The following PCDHGA3 variants were observed in gnomAD, a reference collection of about 807,000 sequenced individuals.
PCDHGA3 encodes protocadherin gamma subfamily A, 3, also known as protocadherin gamma-A3.
Under a neutral mutation model 58.5 loss-of-function variants are expected in PCDHGA3, and 40 were observed. The ratio of observed to expected loss-of-function variants is 0.68; its 90% confidence interval spans 0.53 to 0.89. The LOEUF is 0.89. Ranked by LOEUF, PCDHGA3 falls within the 40% of genes least tolerant of loss-of-function variation. PCDHGA3 has a pLI of 0.00. For missense variants in PCDHGA3, 1,223 were observed against 1,195.9 expected (o/e 1.02, Z -0.33); for synonymous variants, 530 against 525.7 (o/e 1.01, Z -0.11).
chr5:141,416,308 T>C (rs1472911605), intron 1 of PCDHGA3: 1 of 152,266 alleles, frequency 6.6e-6, no homozygotes, highest in East Asian at 1.9e-4. Context: ...ATGTGGAAGA[T>C]ATAGCATTTT....
At chr5:141,407,360 A>G (rs1024336863) in intron 1 of PCDHGA3, among the ~76,000 whole-genome samples, 1 of 152,232 alleles carries the variant, frequency 6.6e-6, no homozygotes, top group Non-Finnish European at 1.5e-5. Flanking sequence ...GGAAAACATA[A>G]CAGATATCCA....
At chr5:141,389,173 T>C (rs1339910343) in intron 1 of PCDHGA3, 15 of 1,613,844 alleles carry the variant, frequency 9.3e-6, no homozygotes, top group Non-Finnish European at 1.2e-5. Context: ...AAGCCTCCCC[T>C]CTCCTCCAGT....
At chr5:141,499,570 A>C (rs1027373056) in intron 2 of PCDHGA3, among the ~76,000 whole-genome samples, 2 of 152,200 alleles carry the variant, frequency 1.3e-5, no homozygotes, top group Non-Finnish European at 2.9e-5. Flanking sequence ...TCCAGCTTCA[A>C]CTAATGCCTT....
intron 1 of PCDHGA3, chr5:141,393,343 A>G (rs751102208): frequency 8.1e-6 from 13 of 1,613,914 alleles, no homozygotes; most frequent in Non-Finnish European, 1.1e-5. Context: ...CCCAATCACC[A>G]CTTCTCCCTG....
rs557975319 is a variant in PCDHGA3 at position 141,381,867 on chromosome 5, T to C, written c.2424+35410T>C. ...TTTTTTTGGCAGAGTTTTGCTCTTGTTGTCCAGGCTGGAGTGCAATGGTGT... is the reference window on the plus strand; with the variant it reads ...TTTTTTTGGCAGAGTTTTGCTCTTGCTGTCCAGGCTGGAGTGCAATGGTGT... On this transcript the variant is annotated intron_variant, in intron 1 of 3. Coordinates refer to ENST00000253812, the MANE Select transcript of PCDHGA3 (RefSeq NM_018916.4). Among the ~76,000 whole-genome samples, 9 of 148,494 alleles carry C rather than the reference T, an allele frequency of 6.1e-5. No homozygotes were observed. In the South Asian group the frequency reaches 2.0e-3, roughly 33 times the overall value.
chr5:141,472,557 A>G (rs2099288029), intron 1 of PCDHGA3, among the ~76,000 whole-genome samples: 3 of 152,044 alleles, frequency 2.0e-5, no homozygotes, highest in Admixed American at 1.3e-4. Flanking sequence ...AAAAAATTAT[A>G]TTATAAATGC....
rs1590066119 is a variant in PCDHGA3, at chr5:141,417,816, C to G, written c.2424+71359C>G. On this transcript the variant is annotated intron_variant, in intron 1 of 3. Transcript: ENST00000253812. ...CTTTTAGCGCGGTAGAGTGCACTTT[C>G]TCCAACTGGAAAAGCGGGGACCCAG... is the stretch of plus-strand genomic sequence containing the variant. 3 of 1,511,044 alleles carry G rather than the reference C, an allele frequency of 2.0e-6. No homozygotes were observed. The East Asian group carries it at 7.4e-5, about 37-fold the overall frequency. 93.6% of individuals were successfully genotyped at this position (1,511,044 alleles called of 1,614,324 possible).
intron 1 of PCDHGA3, among the ~76,000 whole-genome samples, chr5:141,471,035 G>A (rs2099247157): frequency 7.1e-6 from 1 of 141,386 alleles, no homozygotes; most frequent in Admixed American, 7.1e-5. Flanking sequence ...TTATTAACAA[G>A]CCCAAGCCCT....
Position 141,374,601 on chromosome 5 carries a change from G to C in PCDHGA3, c.2424+28144G>C, listed in dbSNP as rs772584663. 6.1e-5 allele frequency: 98 copies of C among 1,613,558 alleles called. No homozygotes were observed. Among genetic ancestry groups the C allele is most frequent in the Non-Finnish European group, 8.1e-5 (96 of 1,179,756 alleles). ...AACTCCCTTCAGGGATTTAAGCTCA[G>C]TGGTAATAGTCACTTCTCAGTGGAC... is the stretch of plus-strand genomic sequence containing the variant. On this transcript the variant is annotated intron_variant, in intron 1 of 3. Transcript: ENST00000253812.
chr5:141,508,527 GCACC>G (rs2099869479), intron 3 of PCDHGA3, among the ~76,000 whole-genome samples: 1 of 152,104 alleles, frequency 6.6e-6, no homozygotes, highest in Non-Finnish European at 1.5e-5. Flanking sequence ...CAACCTCAGG[GCACC>G]CCCCACGAGG....
chr5:141,405,638 CT>C lies in PCDHGA3; in HGVS notation c.2424+59182del. ...TACAGGCACGTGCCACCACGCCCGG[CT>C]AATTTTTTGTGTGTTTTTAGTAGAG... is the stretch of plus-strand genomic sequence containing the variant. On this transcript the variant is annotated intron_variant, in intron 1 of 3. Coordinates refer to ENST00000253812, the MANE Select transcript of PCDHGA3 (RefSeq NM_018916.4). 3 of 528,680 alleles carry C rather than the reference CT, an allele frequency of 5.7e-6. No individual in the cohort carries two copies. The East Asian group carries it at 9.4e-5, about 17-fold the overall frequency. 32.7% of individuals were successfully genotyped at this position (528,680 alleles called of 1,614,324 possible).
Position 141,491,034 on chromosome 5 carries a change from T to G in PCDHGA3, c.2425-3773T>G, listed in dbSNP as rs375902824. 1 of 1,614,170 alleles carries G rather than the reference T, an allele frequency of 6.2e-7. No homozygotes were observed. The highest frequency in any genetic ancestry group is 8.5e-7 in the Non-Finnish European group (1 of 1,180,024). On this transcript the variant is annotated intron_variant, in intron 1 of 3. Coordinates refer to ENST00000253812, the MANE Select transcript of PCDHGA3 (RefSeq NM_018916.4). The surrounding 1 kb of genome is among the most constrained non-coding windows in gnomAD (Gnocchi z 6.9). ...CCAAGGTGACAGCCGTGGATGCTGATGCAGGCCACAATGCGTGGCTCTCCT... is the reference window on the plus strand; with the variant it reads ...CCAAGGTGACAGCCGTGGATGCTGAGGCAGGCCACAATGCGTGGCTCTCCT...
At chr5:141,433,395 C>CTATA (rs1426636882) in intron 1 of PCDHGA3, among the ~76,000 whole-genome samples, 2 of 150,654 alleles carry the variant, frequency 1.3e-5, no homozygotes, top group African/African-American at 4.9e-5. Context: ...ATCTATCTAT[C>CTATA]TATCTATCTA....
intron 1 of PCDHGA3, chr5:141,417,766 C>G: frequency 6.9e-7 from 1 of 1,442,472 alleles, no homozygotes; most frequent in Non-Finnish European, 9.1e-7. Flanking sequence ...AGACCCGGGA[C>G]TCCTCCTGTC....
At chr5:141,357,240 T>C in intron 1 of PCDHGA3, 1 of 1,613,702 alleles carries the variant, frequency 6.2e-7, no homozygotes, top group Non-Finnish European at 8.5e-7. Flanking sequence ...GCCTCAAGCC[T>C]TCAGCAGACC....
Position 141,343,918 on chromosome 5 carries a change from G to A in PCDHGA3, c.-116G>A. The A allele has an allele frequency of 1.1e-6, 1 of 951,184 alleles. No individual in the cohort carries two copies. Among genetic ancestry groups the A allele is most frequent in the South Asian group, 2.1e-5 (1 of 47,292 alleles). 58.9% of individuals were successfully genotyped at this position (951,184 alleles called of 1,614,324 possible). On this transcript the variant is annotated 5_prime_UTR_variant, in exon 1 of 4. Transcript: ENST00000253812. The stretch of plus-strand genomic sequence containing the variant: ...GCCAACCTCACCTCTTAGTCAACCA[G>A]CTGTTTGACCTGTGAATTAGGCCCG...
intron 1 of PCDHGA3, among the ~76,000 whole-genome samples, chr5:141,438,606 A>G: frequency 3.6e-5 from 1 of 27,780 alleles, no homozygotes; most frequent in African/African-American, 2.7e-4. Flanking sequence ...ATATATATAT[A>G]TATATATATA....
rs369406530 is a variant in PCDHGA3, at chr5:141,393,504, A to C, written c.2424+47047A>C. On this transcript the variant is annotated intron_variant, in intron 1 of 3. Transcript: ENST00000253812. ...CTCTAGCACAGTGCGCATCCACGTG[A>C]CAGTGTTGGATACAAATGACAATGC... 16 of 1,613,918 alleles carry C rather than the reference A, an allele frequency of 9.9e-6. No individual in the cohort carries two copies. In the African/African-American group the frequency reaches 2.0e-4, roughly 20 times the overall value.
chr5:141,375,505 G>A lies in PCDHGA3; in HGVS notation c.2424+29048G>A, dbSNP rs551956324. On this transcript the variant is annotated intron_variant, in intron 1 of 3. Coordinates refer to ENST00000253812, the MANE Select transcript of PCDHGA3 (RefSeq NM_018916.4). The stretch of plus-strand genomic sequence containing the variant: ...CCAGGGGTGCCTCCATCTTCTCTGT[G>A]AATGCACTGGACCCTGACGTGGACC... The A allele has an allele frequency of 1.5e-5, 25 of 1,613,998 alleles. 1 individual carries two copies. The South Asian group carries it at 2.7e-4, about 18-fold the overall frequency.
Sources: gnomAD v4.1 joint callset for allele counts (sites outside exome capture counted in the v4.1 genomes callset) on GRCh38, gnomAD v4.1.1 for gene constraint, Gnocchi (gnomAD v3.1) non-coding constraint, MANE v1.5 for transcripts, NCBI Gene and HGNC (gene_info 2026-07-23, HGNC 2026-07-21) for gene names.